The following ZNF71 variants were observed in gnomAD, a reference collection of about 807,000 sequenced individuals.
ZNF71 encodes endothelial zinc finger protein induced by tumor necrosis factor alpha.
ZNF71 carries 3 observed loss-of-function variants against 6.7 expected under a neutral mutation model. The ratio of observed to expected loss-of-function variants is 0.45; its 90% confidence interval spans 0.20 to 1.16. The LOEUF (loss-of-function observed/expected upper bound fraction) is 1.16. Ranked by LOEUF, ZNF71 falls within the 50% of genes most tolerant of loss-of-function variation. ZNF71 has a pLI of 0.25. For synonymous variants in ZNF71, 343 were observed against 311.1 expected (o/e 1.10, Z -1.08); for missense variants, 688 against 728.6 (o/e 0.94, Z 0.64).
At chr19:56,610,750 T>C (rs1288621231) in intron 2 of ZNF71, among the ~76,000 whole-genome samples, 2 of 152,346 alleles carry the variant, frequency 1.3e-5, no homozygotes, top group East Asian at 3.9e-4. Flanking sequence ...TGTTTCAGTA[T>C]TTGAGTTGGA....
chr19:56,603,253 C>A lies in ZNF71; in HGVS notation c.33+1662C>A, dbSNP rs2044684987. ...CCATCAGTCCACGGCCCCTGGCAAC[C>A]AGTAATCAGCTTTCTGTCTCTATGA... On this transcript the variant is annotated intron_variant, in intron 2 of 3. Transcript: ENST00000599599. The surrounding 1 kb of genome is among the most constrained non-coding windows in gnomAD (Gnocchi z 4.6). Among the ~76,000 whole-genome samples, 1 of 152,182 alleles carries A rather than the reference C, an allele frequency of 6.6e-6. No individual in the cohort carries two copies. Among genetic ancestry groups the A allele is most frequent in the South Asian group, 2.1e-4 (1 of 4,830 alleles).
In ZNF71 at chr19:56,622,898, G is replaced by A. The variant is rs1024965121; in HGVS notation, c.*141G>A. The A allele has an allele frequency of 2.3e-5, 26 of 1,137,998 alleles. No homozygotes were observed. The highest frequency in any genetic ancestry group is 3.1e-5 in the Non-Finnish European group (25 of 814,534). 70.5% of individuals were successfully genotyped at this position (1,137,998 alleles called of 1,614,324 possible). ...GAGCTCAGGAATGTGGGGTTGTGGA[G>A]GGGCTGGCTGATCACACATGCCCCC... On this transcript the variant is annotated 3_prime_UTR_variant, in exon 4 of 4. Coordinates refer to ENST00000599599, the MANE Select transcript of ZNF71 (RefSeq NM_001370215.1).
chr19:56,614,120 A>G (rs1301611121), intron 3 of ZNF71, among the ~76,000 whole-genome samples, 182 bp downstream of exon 3: 1 of 152,234 alleles, frequency 6.6e-6, no homozygotes, highest in East Asian at 1.9e-4. Context: ...CACGTGTTTT[A>G]CATTCAAAGG....
chr19:56,606,291 C>CT (rs1355484716), intron 2 of ZNF71, among the ~76,000 whole-genome samples: 1 of 152,082 alleles, frequency 6.6e-6, no homozygotes, highest in Non-Finnish European at 1.5e-5. Context: ...AAGTATCACT[C>CT]TGTGTGTTTC....
At chr19:56,610,946 G>A (rs540266784) in intron 2 of ZNF71, among the ~76,000 whole-genome samples, 11 of 152,168 alleles carry the variant, frequency 7.2e-5, no homozygotes, top group Non-Finnish European at 1.6e-4. Flanking sequence ...CTTTTTGTCT[G>A]TTAGTGTACA....
At chr19:56,602,662 C>G (rs144789623) in intron 2 of ZNF71, among the ~76,000 whole-genome samples, 1 of 152,298 alleles carries the variant, frequency 6.6e-6, no homozygotes, top group South Asian at 2.1e-4. Flanking sequence ...TTTCTGTGGG[C>G]AGGGAAATGA....
chr19:56,606,821 A>C (rs1185277311), intron 2 of ZNF71, among the ~76,000 whole-genome samples: 39 of 152,082 alleles, frequency 2.6e-4, no homozygotes, highest in Non-Finnish European at 4.4e-5. Context: ...AGGAGCTGGA[A>C]GTCTTCTGTG....
Position 56,624,323 on chromosome 19 carries a change from C to G in ZNF71, c.*1566C>G, listed in dbSNP as rs1568511111. 1 of 152,206 alleles carries G rather than the reference C, an allele frequency of 6.6e-6. No homozygotes were observed. The highest frequency in any genetic ancestry group is 1.5e-5 in the Non-Finnish European group (1 of 68,044). 9.4% of individuals were successfully genotyped at this position (152,206 alleles called of 1,614,324 possible). ...CAGGCTCTCATCATTGGAGCCATAG[C>G]TGTGGTTCTCTGTGATGCTCTGGCT... On this transcript the variant is annotated 3_prime_UTR_variant, in exon 4 of 4. Coordinates refer to ENST00000599599, the MANE Select transcript of ZNF71 (RefSeq NM_001370215.1).
Position 56,622,002 on chromosome 19 carries a change from G to C in ZNF71, c.895G>C (p.Glu299Gln). 2 of 1,607,208 alleles carry C rather than the reference G, an allele frequency of 1.2e-6. No individual in the cohort carries two copies. Among genetic ancestry groups the C allele is most frequent in the South Asian group, 1.1e-5 (1 of 90,958 alleles). Residue 299 changes from glutamate to glutamine, a missense_variant, in exon 4 of 4, where the codon GAG becomes CAG. Physicochemically the swap from Glu to Gln is conservative, Grantham distance 29. Coordinates refer to ENST00000599599, the MANE Select transcript of ZNF71 (RefSeq NM_001370215.1). ...LTQHERIHTG[E>Q]KPYACGDCGK... Reference sequence around the variant, plus strand: ...CCAGCACGAGCGGATCCACACGGGGGAGAAGCCCTACGCGTGCGGGGACTG... The same window carrying C: ...CCAGCACGAGCGGATCCACACGGGGCAGAAGCCCTACGCGTGCGGGGACTG...
rs773062752 is a variant in ZNF71 at position 56,621,562 on chromosome 19, G to A, written c.455G>A (p.Arg152Gln). 1.2e-5 allele frequency: 20 copies of A among 1,614,084 alleles called. No homozygotes were observed. The highest frequency in any genetic ancestry group is 1.6e-4 in the Middle Eastern group (1 of 6,084). Reference protein sequence around the residue: ...ANQGCVLVPPRLDDPTEKGAC... With the variant: ...ANQGCVLVPPQLDDPTEKGAC... ...CAAGGCTGTGTCCTGGTCCCACCAC[G>A]GCTGGACGACCCCACAGAAAAGGGG... The change falls in exon 4 of 4, where the codon CGG (arginine) becomes CAG (glutamine). Residue 152 changes from arginine to glutamine, a missense_variant. Physicochemically the swap from Arg to Gln is conservative, Grantham distance 43. Transcript: ENST00000599599.
At chr19:56,604,301 C>T (rs977260685) in intron 2 of ZNF71, among the ~76,000 whole-genome samples, 1 of 152,084 alleles carries the variant, frequency 6.6e-6, no homozygotes, top group African/African-American at 2.4e-5. Flanking sequence ...TTTTATATAT[C>T]AGTCACACCT....
chr19:56,602,507 A>G (rs1179414231), intron 2 of ZNF71, among the ~76,000 whole-genome samples: 1 of 152,246 alleles, frequency 6.6e-6, no homozygotes, highest in East Asian at 1.9e-4. Context: ...GCACCATGAT[A>G]ATAAATGATA....
rs1265439826 is a variant in ZNF71, at chr19:56,623,084, C to G, written c.*327C>G. Reference sequence around the variant, plus strand: ...TAGAGCTGGGACAGGTCACGCCTGCCTCCACATCTCTGTTTCTTCAGCGGG... The same window carrying G: ...TAGAGCTGGGACAGGTCACGCCTGCGTCCACATCTCTGTTTCTTCAGCGGG... On this transcript the variant is annotated 3_prime_UTR_variant, in exon 4 of 4. Coordinates refer to ENST00000599599, the MANE Select transcript of ZNF71 (RefSeq NM_001370215.1). The G allele has an allele frequency of 9.4e-6, 3 of 319,736 alleles. No homozygotes were observed. The highest frequency in any genetic ancestry group is 9.1e-5 in the Admixed American group (2 of 21,992). The allele number at this position is 319,736 out of a possible 1,614,324, so 19.8% of individuals were successfully genotyped here. A position where few individuals can be genotyped will look rare whatever the true frequency, so the allele number is the denominator to read the frequency against.
chr19:56,621,308 G>C lies in ZNF71; in HGVS notation c.201G>C (p.Lys67Asn). The change falls in exon 4 of 4, where the codon AAG becomes AAC. Residue 67 changes from lysine to asparagine, a missense_variant. Physicochemically the swap from Lys to Asn is moderately conservative, Grantham distance 94 (BLOSUM62 0). Coordinates refer to ENST00000599599, the MANE Select transcript of ZNF71 (RefSeq NM_001370215.1). ...TRPEMKELDP[K>N]NDISEDKLSV... Reference sequence around the variant, plus strand: ...CTGAAATGAAAGAGTTGGATCCAAAGAATGACATTTCGGAAGACAAGCTCT... The same window carrying C: ...CTGAAATGAAAGAGTTGGATCCAAACAATGACATTTCGGAAGACAAGCTCT... 3 of 1,522,972 alleles carry C rather than the reference G, an allele frequency of 2.0e-6. No homozygotes were observed. The allele number at this position is 1,522,972 out of a possible 1,614,324, so 94.3% of individuals were successfully genotyped here.
intron 2 of ZNF71, among the ~76,000 whole-genome samples, chr19:56,604,678 A>G (rs7260157): frequency 0.63 from 96,096 of 152,072 alleles, 30,692 homozygotes; most frequent in South Asian, 0.72. Flanking sequence ...TCCTGAGCCT[A>G]CACTCTGAAC....
chr19:56,615,086 C>T (rs889787702), intron 3 of ZNF71, among the ~76,000 whole-genome samples: 2 of 152,020 alleles, frequency 1.3e-5, no homozygotes, highest in Non-Finnish European at 2.9e-5. Context: ...ATTTTTATCT[C>T]TGTGTATTAT....
chr19:56,600,113 T>TGAGA (rs1568503329), intron 1 of ZNF71, among the ~76,000 whole-genome samples: 2 of 146,914 alleles, frequency 1.4e-5, no homozygotes, highest in African/African-American at 2.6e-5. Context: ...TTTTTTTTTT[T>TGAGA]TGAGATGGAG....
At chr19:56,596,047 C>T (rs1311792169) in intron 1 of ZNF71, among the ~76,000 whole-genome samples, 2 of 151,868 alleles carry the variant, frequency 1.3e-5, no homozygotes, top group Non-Finnish European at 2.9e-5. Flanking sequence ...TGTGTCTCTC[C>T]AGGTCTCTGC....
At chr19:56,621,131 G>T in intron 3 of ZNF71, 137 bp from the exon 4 acceptor site, 2 of 839,622 alleles carry the variant, frequency 2.4e-6, no homozygotes, top group East Asian at 2.9e-5. Context: ...CTGATCCAAG[G>T]TTCTTCTTTG....
Sources: allele counts gnomAD v4.1 joint callset (sites outside exome capture counted in the v4.1 genomes callset), GRCh38; gene constraint gnomAD v4.1.1; non-coding constraint Gnocchi (gnomAD v3.1); transcripts MANE v1.5; gene names NCBI Gene and HGNC (gene_info 2026-07-23, HGNC 2026-07-21).